ZC3H12B: variants seen among roughly 807,000 people sequenced by gnomAD.
The protein encoded by ZC3H12B is probable ribonuclease ZC3H12B.
In ZC3H12B, 7 loss-of-function variants were observed where a neutral mutation model predicts 43.9. That is an observed-to-expected ratio of 0.16 (90% CI 0.09 to 0.30). The LOEUF (loss-of-function observed/expected upper bound fraction) is 0.30. ZC3H12B is among the 10% of genes least tolerant of loss of function. ZC3H12B has a pLI of 1.00. For synonymous variants in ZC3H12B, 222 were observed against 241.7 expected (o/e 0.92, Z 0.76); for missense variants, 475 against 670.2 (o/e 0.71, Z 3.22).
the ZC3H12B span, among the ~76,000 whole-genome samples, chrX:65,117,548 A>T: frequency 8.9e-6 from 1 of 111,880 alleles, no homozygotes; most frequent in Non-Finnish European, 1.9e-5. Context: ...TTTCCTGAGC[A>T]GAAGCTCTTT....
At chrX:65,456,564 G>A (rs1223867854) in intron 3 of ZC3H12B, among the ~76,000 whole-genome samples, 19 of 105,215 alleles carry the variant, frequency 1.8e-4, no homozygotes, top group South Asian at 9.1e-4. Context: ...TCAGCCTGCC[G>A]AGTGCCTGCG....
upstream of ZC3H12B, among the ~76,000 whole-genome samples, chrX:65,363,263 G>A (rs768727359): frequency 9.0e-6 from 1 of 110,723 alleles, no homozygotes; most frequent in East Asian, 2.8e-4. Context: ...AAAGGATATC[G>A]GGTATCCCCC....
chrX:65,072,245 T>C, the ZC3H12B span, among the ~76,000 whole-genome samples: 1 of 112,538 alleles, frequency 8.9e-6, no homozygotes, highest in Non-Finnish European at 1.9e-5. Flanking sequence ...CATTCTGCTA[T>C]TAATACTTGT....
At chrX:65,224,739 G>A in the ZC3H12B span, among the ~76,000 whole-genome samples, 13 of 112,173 alleles carry the variant, frequency 1.2e-4, no homozygotes, top group East Asian at 3.4e-3. Flanking sequence ...ACATGACTCA[G>A]AGGGTCCTAG....
In ZC3H12B at chrX:65,379,252, G is replaced by A. The variant is rs763470045; in HGVS notation, n.295+10254G>A. Among the ~76,000 whole-genome samples the A allele has an allele frequency of 3.6e-5, 4 of 111,826 alleles. No homozygotes were observed. In the South Asian group the frequency reaches 1.1e-3, roughly 32 times the overall value. ...GCAGTGGTTCTCCCAGCACGCAGCT[G>A]GAGATCCGAGAAAGGGCAGACTGCC... On this transcript the variant is annotated intron_variant and non_coding_transcript_variant, in intron 2 of 5. Transcript: ENST00000617377.
upstream of ZC3H12B, among the ~76,000 whole-genome samples, chrX:65,486,340 G>A (rs2068123871): frequency 8.9e-6 from 1 of 112,354 alleles, no homozygotes; most frequent in Admixed American, 9.5e-5. Context: ...CGTTTTACTA[G>A]TTGGTTGAGT....
chrX:65,081,355 AAAG>A, the ZC3H12B span, among the ~76,000 whole-genome samples: 3 of 111,177 alleles, frequency 2.7e-5, no homozygotes, highest in Non-Finnish European at 3.8e-5. Context: ...TTGGATGAAA[AAAG>A]AAGATCCATT....
chrX:65,312,507 T>A, the ZC3H12B span, among the ~76,000 whole-genome samples: 3 of 92,523 alleles, frequency 3.2e-5, no homozygotes, highest in Non-Finnish European at 5.7e-5. Flanking sequence ...TCTCTTTGGA[T>A]AAAGGAGCCA....
the ZC3H12B span, among the ~76,000 whole-genome samples, chrX:65,124,619 C>CT: frequency 2.7e-5 from 3 of 109,877 alleles, no homozygotes; most frequent in Middle Eastern, 4.7e-3. Context: ...TGGTCCTGGA[C>CT]TTTTTTTTCT....
chrX:65,367,919 G>A (rs2066194531), intron 1 of ZC3H12B, among the ~76,000 whole-genome samples: 1 of 111,027 alleles, frequency 9.0e-6, no homozygotes, highest in Admixed American at 9.6e-5. Flanking sequence ...ACTACTAAAA[G>A]TAATCTTTAA....
chrX:65,449,369 A>G (rs1333385229), intron 3 of ZC3H12B, among the ~76,000 whole-genome samples: 9 of 111,872 alleles, frequency 8.0e-5, no homozygotes, highest in Non-Finnish European at 1.9e-5. Context: ...CTGTAATCCT[A>G]GCACATTGGG....
At chrX:65,414,923 C>T (rs1002367393) in intron 3 of ZC3H12B, among the ~76,000 whole-genome samples, 1 of 111,945 alleles carries the variant, frequency 8.9e-6, no homozygotes, top group African/African-American at 3.2e-5. Context: ...TTATTCTGAG[C>T]CAAATATGAG....
At chrX:65,081,964 G>T in the ZC3H12B span, among the ~76,000 whole-genome samples, 5 of 111,890 alleles carry the variant, frequency 4.5e-5, no homozygotes, top group African/African-American at 1.6e-4. Flanking sequence ...TCGATAACAA[G>T]AGGAATTTTG....
chrX:65,365,010 C>T (rs2066155044), upstream of ZC3H12B, among the ~76,000 whole-genome samples: 1 of 111,676 alleles, frequency 9.0e-6, no homozygotes, highest in Non-Finnish European at 1.9e-5. Flanking sequence ...TCCCTTCTGT[C>T]AGATATAATT....
chrX:65,426,028 C>A (rs2067077339), intron 3 of ZC3H12B, among the ~76,000 whole-genome samples: 2 of 109,830 alleles, frequency 1.8e-5, no homozygotes, highest in Non-Finnish European at 3.8e-5. Flanking sequence ...AGTTTCAGTA[C>A]AAATGGTACC....
At chrX:65,149,578 CA>C in the ZC3H12B span, among the ~76,000 whole-genome samples, 11 of 108,943 alleles carry the variant, frequency 1.0e-4, no homozygotes, top group African/African-American at 3.7e-4. Flanking sequence ...CTGGCTAACA[CA>C]GTGAAACCTC....
At chrX:65,282,320 A>C in the ZC3H12B span, among the ~76,000 whole-genome samples, 2 of 111,256 alleles carry the variant, frequency 1.8e-5, no homozygotes, top group Non-Finnish European at 3.8e-5. Flanking sequence ...AGAAAACCAA[A>C]AACAACAACA....
the ZC3H12B span, among the ~76,000 whole-genome samples, chrX:65,078,163 G>C: frequency 8.9e-6 from 1 of 112,194 alleles, no homozygotes; most frequent in African/African-American, 3.2e-5. Flanking sequence ...GACCAGGTTT[G>C]ATGGGACTAG....
the ZC3H12B span, among the ~76,000 whole-genome samples, chrX:65,128,717 C>T: frequency 8.9e-6 from 1 of 112,116 alleles, no homozygotes; most frequent in African/African-American, 3.2e-5. Context: ...TCACTTCACA[C>T]ATTCTAAAGC....
Sources: gnomAD v4.1 joint callset for allele counts (sites outside exome capture counted in the v4.1 genomes callset) on GRCh38, gnomAD v4.1.1 for gene constraint, MANE v1.5 for transcripts, NCBI Gene and HGNC (gene_info 2026-07-23, HGNC 2026-07-21) for gene names.